TBCK: variants seen among roughly 807,000 people sequenced by gnomAD.
TBCK encodes TBC domain-containing protein kinase-like protein.
In TBCK, 99 loss-of-function variants were observed where a neutral mutation model predicts 113.4. The ratio of observed to expected loss-of-function variants is 0.87; its 90% CI spans 0.74 to 1.03. TBCK has a LOEUF of 1.03. Among genes scored for constraint, TBCK ranks in the 50% least tolerant of loss-of-function variants. The pLI, the probability that TBCK is intolerant of heterozygous loss-of-function variation, is 0.00. For missense variants in TBCK, 1,045 were observed against 1,061.3 expected (o/e 0.98, Z 0.21); for synonymous variants, 369 against 370.8 (o/e 1.00, Z 0.05).
chr4:106,184,589 C>T (rs1040071706), intron 22 of TBCK, among the ~76,000 whole-genome samples: 1 of 152,032 alleles, frequency 6.6e-6, no homozygotes, highest in African/African-American at 2.4e-5. Flanking sequence ...TATAGAGATA[C>T]ATGTGTTTTA....
chr4:106,073,623 TGG>T (rs1286347535), intron 25 of TBCK, among the ~76,000 whole-genome samples: 2 of 152,172 alleles, frequency 1.3e-5, no homozygotes, highest in Non-Finnish European at 1.5e-5. Context: ...AATACCATGC[TGG>T]GAGAACGACT....
chr4:106,051,486 G>C (rs867338380), intron 25 of TBCK, among the ~76,000 whole-genome samples: 1 of 151,864 alleles, frequency 6.6e-6, no homozygotes. Flanking sequence ...GGTTGAGCAT[G>C]GTATTGAATA....
intron 5 of TBCK, among the ~76,000 whole-genome samples, chr4:106,259,031 T>C (rs75207700): frequency 0.13 from 19,688 of 151,818 alleles, 1,618 homozygotes; most frequent in South Asian, 0.25. Context: ...AACAGAAAAT[T>C]CTCCCACTAA....
chr4:106,244,790 ATTGTATTATATT>A, intron 10 of TBCK, 26 bp from the exon 11 acceptor site: 1 of 1,384,472 alleles, frequency 7.2e-7, no homozygotes, highest in Admixed American at 2.2e-5. Context: ...TTAAGGAATC[ATTGTATTATATT>A]TTCTACTTTT....
intron 25 of TBCK, among the ~76,000 whole-genome samples, chr4:106,056,212 T>G (rs1312837048): frequency 6.6e-6 from 1 of 151,392 alleles, no homozygotes; most frequent in African/African-American, 2.4e-5. Flanking sequence ...CTGGTAACAG[T>G]ATCAGCAACC....
intron 19 of TBCK, among the ~76,000 whole-genome samples, chr4:106,219,133 C>T (rs544702518): frequency 7.1e-4 from 104 of 146,660 alleles, no homozygotes; most frequent in Non-Finnish European, 1.3e-3. Context: ...AAAAACCAAA[C>T]ACCGCATATT....
chr4:106,200,791 GATCA>G (rs1459296372), intron 20 of TBCK, among the ~76,000 whole-genome samples: 2 of 151,732 alleles, frequency 1.3e-5, no homozygotes, highest in African/African-American at 4.8e-5. Context: ...TTGTTGAAAG[GATCA>G]ATCAAATATT....
chr4:106,250,591 C>T, intron 6 of TBCK, 113 bp from the exon 7 acceptor site: 1 of 576,106 alleles, frequency 1.7e-6, no homozygotes, highest in South Asian at 2.5e-5. Context: ...TATTTATCTC[C>T]AAAAGTTTTA....
chr4:106,301,634 A>G (rs73839415), intron 2 of TBCK, among the ~76,000 whole-genome samples: 2,765 of 152,298 alleles, frequency 0.018, 79 homozygotes, highest in African/African-American at 0.061. Context: ...TCTATAGAAA[A>G]CAGTGAAAGC....
chr4:106,262,415 T>G (rs1762590437), intron 3 of TBCK, among the ~76,000 whole-genome samples: 1 of 152,106 alleles, frequency 6.6e-6, no homozygotes, highest in Non-Finnish European at 1.5e-5. Flanking sequence ...AGAATTAATC[T>G]GACAAAGATC....
intron 3 of TBCK, among the ~76,000 whole-genome samples, chr4:106,275,867 G>A (rs1218952581): frequency 5.9e-5 from 9 of 151,902 alleles, no homozygotes; most frequent in Admixed American, 2.0e-4. Context: ...TACATGCAAC[G>A]CAACCTCAAT....
intron 19 of TBCK, among the ~76,000 whole-genome samples, chr4:106,214,234 A>C (rs1002136861): frequency 6.6e-6 from 1 of 152,202 alleles, no homozygotes; most frequent in Non-Finnish European, 1.5e-5. Flanking sequence ...CAATCATCAA[A>C]GACCAAAAGT....
chr4:106,261,805 T>C (rs1288820275), intron 4 of TBCK, among the ~76,000 whole-genome samples: 2 of 151,892 alleles, frequency 1.3e-5, no homozygotes, highest in Non-Finnish European at 2.9e-5. Context: ...AGGAGTATAC[T>C]GGGACGCCAC....
rs1191292743 is a variant in TBCK, at chr4:106,045,820, A to G, written c.*750T>C. 2 of 152,324 alleles carry G rather than the reference A, an allele frequency of 1.3e-5. No individual in the cohort carries two copies. The highest frequency in any genetic ancestry group is 3.9e-4 in the East Asian group (2 of 5,184). 9.4% of individuals were successfully genotyped at this position (152,324 alleles called of 1,614,324 possible). A position where few individuals can be genotyped will look rare whatever the true frequency, so the allele number is the denominator to read the frequency against. On this transcript the variant is annotated 3_prime_UTR_variant, in exon 26 of 26. Coordinates refer to ENST00000394708, the MANE Select transcript of TBCK (RefSeq NM_001163435.3). ...ATGGATGCCACATATTGAGGTTTGT[A>G]AAGCAATGAGAGAAGGTAATGAGTT... is the stretch of plus-strand genomic sequence containing the variant.
At chr4:106,201,516 T>C (rs949577502) in intron 20 of TBCK, among the ~76,000 whole-genome samples, 1 of 152,082 alleles carries the variant, frequency 6.6e-6, no homozygotes, top group African/African-American at 2.4e-5. Flanking sequence ...CATGAAATTA[T>C]GTACAATTGA....
intron 24 of TBCK, among the ~76,000 whole-genome samples, chr4:106,112,690 C>T (rs780245249): frequency 3.9e-5 from 6 of 152,172 alleles, no homozygotes; most frequent in Non-Finnish European, 8.8e-5. Context: ...TCAGCATTTG[C>T]TAGATCAACA....
At chr4:106,230,510 T>C in intron 18 of TBCK, 64 bp from the exon 19 acceptor site, 2 of 892,042 alleles carry the variant, frequency 2.2e-6, no homozygotes, top group Admixed American at 4.0e-5. Context: ...CCATCAGTAA[T>C]GCATTCACTT....
intron 5 of TBCK, among the ~76,000 whole-genome samples, chr4:106,259,755 C>A (rs1762328096): frequency 2.0e-5 from 3 of 151,834 alleles, no homozygotes; most frequent in Admixed American, 2.0e-4. Flanking sequence ...CTAAAACAAT[C>A]TCAACTTAAT....
chr4:106,075,597 T>C (rs529031330), intron 25 of TBCK, among the ~76,000 whole-genome samples: 2 of 152,362 alleles, frequency 1.3e-5, no homozygotes, highest in South Asian at 4.1e-4. Context: ...CAATGCCTTG[T>C]ACATCATAGA....
Sources: gnomAD v4.1 joint callset for allele counts (sites outside exome capture counted in the v4.1 genomes callset) on GRCh38, gnomAD v4.1.1 for gene constraint, MANE v1.5 for transcripts, NCBI Gene and HGNC (gene_info 2026-07-23, HGNC 2026-07-21) for gene names.